Variants in NCOA2 observed in about 807,000 individuals in gnomAD.
The protein encoded by NCOA2 is class E basic helix-loop-helix protein 75.
In NCOA2, 21 loss-of-function variants were observed where a neutral mutation model predicts 145.1. The observed-to-expected ratio is 0.14, with a 90% CI of 0.10 to 0.21. The LOEUF is 0.21. Ranked by LOEUF, NCOA2 falls within the 10% of genes least tolerant of loss-of-function variation. The pLI, the probability that NCOA2 is intolerant of heterozygous loss-of-function variation, is 1.00. For missense variants in NCOA2, 1,472 were observed against 1,837.6 expected (o/e 0.80, Z 3.64); for synonymous variants, 619 against 637.5 (o/e 0.97, Z 0.44).
At chr8:70,238,159 C>T (rs138516954) in intron 2 of NCOA2, among the ~76,000 whole-genome samples, 22 of 152,008 alleles carry the variant, frequency 1.4e-4, no homozygotes, top group African/African-American at 1.9e-4. Flanking sequence ...CACGCGCGCG[C>T]GCGCGTGTGT....
chr8:70,177,498 G>C (rs1815000293), intron 4 of NCOA2, among the ~76,000 whole-genome samples: 1 of 152,172 alleles, frequency 6.6e-6, no homozygotes, highest in Admixed American at 6.6e-5. Context: ...AAGTGGGATC[G>C]AGGGTGTGTG....
intron 4 of NCOA2, among the ~76,000 whole-genome samples, chr8:70,192,313 C>T (rs191357667): frequency 1.8e-4 from 27 of 151,844 alleles, no homozygotes; most frequent in Admixed American, 4.6e-4. Context: ...TGTGCTACAG[C>T]GGACCAGAGG....
At chr8:70,391,665 T>A (rs1813218195) in intron 1 of NCOA2, among the ~76,000 whole-genome samples, 1 of 152,190 alleles carries the variant, frequency 6.6e-6, no homozygotes, top group East Asian at 1.9e-4. Flanking sequence ...AATTGCATCC[T>A]CTTCAGGACA....
At position 70,155,995 on chromosome 8, in the gene NCOA2, C is replaced by G. The variant is rs1335303759; in HGVS notation, c.2370G>C (p.Glu790Asp). 2 of 1,588,150 alleles carry G rather than the reference C, an allele frequency of 1.3e-6. No individual in the cohort carries two copies. The highest frequency in any genetic ancestry group is 2.7e-5 in the African/African-American group (2 of 73,632). Reference sequence around the variant, plus strand: ...CCTGGTCACCAGGCTCAAAGCTCATCTCCTCCTTCTCAGTTTTCATTGCTA... The same window carrying G: ...CCTGGTCACCAGGCTCAAAGCTCATGTCCTCCTTCTCAGTTTTCATTGCTA... ...KLIAMKTEKE[E>D]MSFEPGDQPG... The change falls in exon 11 of 23, where the codon GAG (glutamate) becomes GAC (aspartate). Residue 790 changes from glutamate (E) to aspartate (D), a missense_variant. By Grantham distance (45) the Glu-to-Asp change is conservative (BLOSUM62 2). Coordinates refer to ENST00000452400, the MANE Select transcript of NCOA2 (RefSeq NM_006540.4).
chr8:70,230,751 C>T (rs1821061413), intron 2 of NCOA2, among the ~76,000 whole-genome samples: 1 of 152,082 alleles, frequency 6.6e-6, no homozygotes, highest in Non-Finnish European at 1.5e-5. Context: ...TACAAAAACA[C>T]AAAAGAATAG....
At chr8:70,385,879 C>T (rs1179373679) in intron 1 of NCOA2, among the ~76,000 whole-genome samples, 1 of 151,832 alleles carries the variant, frequency 6.6e-6, no homozygotes, top group African/African-American at 2.4e-5. Flanking sequence ...TTCATTTTAT[C>T]CTTAGAATTG....
intron 2 of NCOA2, among the ~76,000 whole-genome samples, chr8:70,261,498 G>A (rs539780855): frequency 3.9e-5 from 6 of 152,150 alleles, no homozygotes; most frequent in African/African-American, 9.6e-5. Context: ...GCTAAATGAC[G>A]AGTTAATGGG....
Position 70,334,570 on chromosome 8 carries a change from C to T in NCOA2, c.-76-37770G>A, listed in dbSNP as rs138927145. On this transcript the variant is annotated intron_variant, in intron 1 of 22. Coordinates refer to ENST00000452400, the MANE Select transcript of NCOA2 (RefSeq NM_006540.4). ...CTTGCATTTTAGTTATACTGGTCCA[C>T]GTTTCTTATCTTGCCTATTAGAGCA... Among the ~76,000 whole-genome samples, 113 of 152,254 alleles carry T rather than the reference C, an allele frequency of 7.4e-4. 2 individuals carry two copies. In the East Asian group the frequency reaches 0.018, roughly 24 times the overall value.
chr8:70,406,762 G>C (rs1015100253), upstream of NCOA2, among the ~76,000 whole-genome samples: 1 of 152,118 alleles, frequency 6.6e-6, no homozygotes, highest in Non-Finnish European at 1.5e-5. Context: ...TTCTTCCACA[G>C]TTTTCAAAGT....
chr8:70,368,827 C>A (rs1810941052), intron 1 of NCOA2, among the ~76,000 whole-genome samples: 1 of 152,112 alleles, frequency 6.6e-6, no homozygotes, highest in African/African-American at 2.4e-5. Context: ...ATTTATTGGT[C>A]AATGTAACCC....
intron 1 of NCOA2, among the ~76,000 whole-genome samples, chr8:70,377,188 T>A (rs1811760724): frequency 6.6e-6 from 1 of 151,846 alleles, no homozygotes; most frequent in African/African-American, 2.4e-5. Flanking sequence ...ATGAAAAAAA[T>A]GAATGAAATA....
intron 1 of NCOA2, among the ~76,000 whole-genome samples, chr8:70,318,665 G>A (rs1476594350): frequency 1.3e-5 from 2 of 152,162 alleles, no homozygotes; most frequent in Non-Finnish European, 2.9e-5. Context: ...CTACTCGGGA[G>A]GCTGTGGGAG....
At chr8:70,333,669 T>C (rs1044792641) in intron 1 of NCOA2, among the ~76,000 whole-genome samples, 1 of 152,144 alleles carries the variant, frequency 6.6e-6, no homozygotes, top group Admixed American at 6.5e-5. Context: ...ACAAACCCAG[T>C]ACACGTTAAT....
chr8:70,150,691 T>C (rs375546415), intron 11 of NCOA2, among the ~76,000 whole-genome samples: 1 of 152,254 alleles, frequency 6.6e-6, no homozygotes, highest in Non-Finnish European at 1.5e-5. Context: ...TAATCTTCTT[T>C]ATCATGTTTT....
chr8:70,387,497 A>G (rs1812773403), intron 1 of NCOA2, among the ~76,000 whole-genome samples: 1 of 152,192 alleles, frequency 6.6e-6, no homozygotes, highest in Non-Finnish European at 1.5e-5. Context: ...ATTTTAAAGG[A>G]AAGGACAGTA....
Position 70,245,661 on chromosome 8 carries a change from T to C in NCOA2, c.-19-28897A>G, listed in dbSNP as rs188160357. Among the ~76,000 whole-genome samples the C allele has an allele frequency of 2.6e-5, 4 of 152,214 alleles. No homozygotes were observed. The East Asian group carries it at 7.7e-4, about 29-fold the overall frequency. ...AAATTATTTAGTCTTGGAATGTTCA[T>C]AATAAATAAAAAATATATACCCTAA... On this transcript the variant is annotated intron_variant, in intron 2 of 22. Transcript: ENST00000452400.
intron 2 of NCOA2, among the ~76,000 whole-genome samples, chr8:70,275,115 A>G (rs906350987): frequency 1.3e-5 from 2 of 152,242 alleles, no homozygotes; most frequent in African/African-American, 4.8e-5. Context: ...ATTTTAAATG[A>G]GCAGATATTC....
the NCOA2 span, among the ~76,000 whole-genome samples, chr8:70,438,743 G>A: frequency 3.3e-5 from 5 of 152,252 alleles, no homozygotes; most frequent in Admixed American, 6.5e-5. Context: ...AATAACACTG[G>A]CTTCCAGTAG....
chr8:70,297,469 G>A (rs764019218), intron 1 of NCOA2, among the ~76,000 whole-genome samples: 3 of 152,134 alleles, frequency 2.0e-5, no homozygotes, highest in Non-Finnish European at 2.9e-5. Context: ...AAGTAGCCAG[G>A]ACTACAGGCA....
Sources: gnomAD v4.1 joint callset for allele counts (sites outside exome capture counted in the v4.1 genomes callset) on GRCh38, gnomAD v4.1.1 for gene constraint, MANE v1.5 for transcripts, NCBI Gene and HGNC (gene_info 2026-07-23, HGNC 2026-07-21) for gene names.